Variants in PBX3 observed in about 807,000 individuals in gnomAD.
The protein encoded by PBX3 is pre-B-cell leukemia transcription factor 3.
PBX3 carries 14 observed loss-of-function variants against 48.5 expected under a neutral mutation model. The ratio of observed to expected loss-of-function variants is 0.29; its 90% CI spans 0.19 to 0.45. The LOEUF (loss-of-function observed/expected upper bound fraction) is 0.45, where lower values mean the gene tolerates loss of function less well. PBX3 is among the 20% of genes least tolerant of loss of function. PBX3 has a pLI of 1.00. For missense variants in PBX3, 386 were observed against 546.7 expected (o/e 0.71, Z 2.93); for synonymous variants, 210 against 200.3 (o/e 1.05, Z -0.41).
chr9:125,922,849 G>GA (rs1841485149), intron 3 of PBX3, among the ~76,000 whole-genome samples: 1 of 152,066 alleles, frequency 6.6e-6, no homozygotes, highest in East Asian at 1.9e-4. Flanking sequence ...TGGGATAAAG[G>GA]AAAAAAATCA....
chr9:125,791,794 G>A (rs551828802), intron 2 of PBX3, among the ~76,000 whole-genome samples: 1 of 152,116 alleles, frequency 6.6e-6, no homozygotes, highest in South Asian at 2.1e-4. Context: ...AAATTAGCCG[G>A]GCGTGGTGGC....
At chr9:125,845,672 C>T (rs1477215120) in intron 2 of PBX3, among the ~76,000 whole-genome samples, 1 of 152,016 alleles carries the variant, frequency 6.6e-6, no homozygotes, top group Non-Finnish European at 1.5e-5. Flanking sequence ...AAAGAGTGAC[C>T]AGCATGTAGC....
intron 2 of PBX3, among the ~76,000 whole-genome samples, chr9:125,772,103 G>A (rs1252587198): frequency 6.6e-6 from 1 of 152,176 alleles, no homozygotes; most frequent in East Asian, 1.9e-4. Context: ...GAATCTTTCT[G>A]TATCATGTGC....
chr9:125,769,022 T>G (rs1408946052), intron 2 of PBX3, among the ~76,000 whole-genome samples: 1 of 152,232 alleles, frequency 6.6e-6, no homozygotes, highest in African/African-American at 2.4e-5. Context: ...TGCAAGTGCT[T>G]TCCTCACACT....
chr9:125,762,050 A>G (rs946613840), intron 2 of PBX3, among the ~76,000 whole-genome samples: 6 of 152,224 alleles, frequency 3.9e-5, no homozygotes, highest in Non-Finnish European at 8.8e-5. Context: ...GGGGCAGTTT[A>G]TATTCTAAAT....
chr9:125,960,779 G>A lies in PBX3; in HGVS notation c.939G>A (p.Val313=). The A allele has an allele frequency of 6.2e-7, 1 of 1,614,204 alleles. No homozygotes were observed. Among genetic ancestry groups the A allele is most frequent in the Non-Finnish European group, 8.5e-7 (1 of 1,180,020 alleles). The change falls in exon 6 of 9, where the codon GTG becomes GTA. Residue 313 remains valine, a synonymous_variant. Transcript: ENST00000373489. The part of the protein sequence containing the change: ...EANLYAAKTA[V]TAAHAVAAAV... ...ACCTCTATGCTGCAAAGACGGCCGT[G>A]ACAGCTGCACACGCAGTAGCAGCAG...
At chr9:125,889,941 C>T (rs1588264261) in intron 2 of PBX3, among the ~76,000 whole-genome samples, 1 of 151,018 alleles carries the variant, frequency 6.6e-6, no homozygotes, top group Admixed American at 6.6e-5. Context: ...GTCCCCCGCG[C>T]CGGCGGCCCC....
chr9:125,801,421 T>C (rs1837941208), intron 2 of PBX3, among the ~76,000 whole-genome samples: 1 of 152,226 alleles, frequency 6.6e-6, no homozygotes, highest in Non-Finnish European at 1.5e-5. Context: ...CCTTTTATTT[T>C]ATGGAGCTTT....
At chr9:125,772,940 A>C (rs1646790893) in intron 2 of PBX3, among the ~76,000 whole-genome samples, 1 of 152,196 alleles carries the variant, frequency 6.6e-6, no homozygotes, top group African/African-American at 2.4e-5. Context: ...TATGTGGATA[A>C]ATACAAGCTG....
At chr9:125,893,568 C>T (rs1007732165) in intron 2 of PBX3, among the ~76,000 whole-genome samples, 16 of 148,558 alleles carry the variant, frequency 1.1e-4, no homozygotes, top group Admixed American at 6.8e-4. Context: ...ATTATTTGAT[C>T]AAATACACAG....
intron 8 of PBX3, among the ~76,000 whole-genome samples, chr9:125,965,080 C>T (rs902259097): frequency 3.3e-5 from 5 of 152,190 alleles, no homozygotes; most frequent in African/African-American, 1.2e-4. Context: ...AAATATGTAG[C>T]GACAAGCTGT....
At chr9:125,861,642 G>C (rs1839865427) in intron 2 of PBX3, among the ~76,000 whole-genome samples, 1 of 152,214 alleles carries the variant, frequency 6.6e-6, no homozygotes, top group South Asian at 2.1e-4. Flanking sequence ...GCCATAGCAA[G>C]GAATGAAGTA....
At chr9:125,806,468 G>A (rs1795924522) in intron 2 of PBX3, among the ~76,000 whole-genome samples, 1 of 152,192 alleles carries the variant, frequency 6.6e-6, no homozygotes, top group Non-Finnish European at 1.5e-5. Context: ...CCAGGCTTCT[G>A]CTTCCAGGAT....
At chr9:125,757,858 G>A (rs890170774) in intron 2 of PBX3, among the ~76,000 whole-genome samples, 3 of 152,176 alleles carry the variant, frequency 2.0e-5, no homozygotes, top group African/African-American at 7.2e-5. Flanking sequence ...ATAACATACA[G>A]TGAAGATATT....
At chr9:125,767,307 C>T (rs183346780) in intron 2 of PBX3, among the ~76,000 whole-genome samples, 3 of 152,296 alleles carry the variant, frequency 2.0e-5, no homozygotes, top group Non-Finnish European at 4.4e-5. Context: ...GGCATTAAAC[C>T]AACTGCCAAG....
At chr9:125,944,739 A>C (rs1842030388) in intron 5 of PBX3, among the ~76,000 whole-genome samples, 1 of 152,064 alleles carries the variant, frequency 6.6e-6, no homozygotes, top group Admixed American at 6.6e-5. Flanking sequence ...CAGTTTAATA[A>C]GTCTGGAGCC....
At chr9:125,937,835 A>AT (rs1399915054) in intron 5 of PBX3, among the ~76,000 whole-genome samples, 2 of 151,954 alleles carry the variant, frequency 1.3e-5, no homozygotes, top group African/African-American at 4.8e-5. Context: ...TGATTTTTAA[A>AT]TTTTTTGTAC....
At chr9:125,906,007 G>C (rs1564166920) in intron 2 of PBX3, among the ~76,000 whole-genome samples, 1 of 152,014 alleles carries the variant, frequency 6.6e-6, no homozygotes, top group East Asian at 1.9e-4. Flanking sequence ...GTTCACCATT[G>C]ACTGAAACAT....
At chr9:125,843,863 A>C (rs1839354263) in intron 2 of PBX3, 1 of 455,358 alleles carries the variant, frequency 2.2e-6, no homozygotes, top group Admixed American at 2.4e-5. Flanking sequence ...TTACAGCTTA[A>C]TGGGGTCATT....
Sources: gnomAD v4.1 joint callset for allele counts (sites outside exome capture counted in the v4.1 genomes callset) on GRCh38, gnomAD v4.1.1 for gene constraint, MANE v1.5 for transcripts, NCBI Gene and HGNC (gene_info 2026-07-23, HGNC 2026-07-21) for gene names.